The following FABP3 variants were observed in gnomAD, a reference collection of about 807,000 sequenced individuals.
FABP3 encodes the protein fatty acid-binding protein, heart.
In FABP3, 8 loss-of-function variants were observed where a neutral mutation model predicts 13.4. The ratio of observed to expected loss-of-function variants is 0.60; its 90% CI spans 0.35 to 1.07. The LOEUF (loss-of-function observed/expected upper bound fraction) is 1.07. Ranked by LOEUF, FABP3 falls within the 50% of genes least tolerant of loss-of-function variation. The pLI is 0.02. For missense variants in FABP3, 135 were observed against 164.7 expected, an observed-to-expected ratio of 0.82 and a Z score of 0.99; for synonymous variants, 64 against 60.0, an observed-to-expected ratio of 1.07 and a Z score of -0.31.
chr1:31,369,461 G>A lies in FABP3; in HGVS notation c.170C>T (p.Thr57Ile), dbSNP rs751675000. ...AAAGCTGATCTCTGTGTTCTTGAAG[G>A]TGCTGTGTGTTTTTAGGGTGAGAAT... ...GDILTLKTHSTFKNTEISFKL... is the reference protein window; with the variant it reads ...GDILTLKTHSIFKNTEISFKL... Residue 57 changes from threonine (T) to isoleucine (I), a missense_variant, in exon 2 of 4, where the codon ACC becomes ATC. By Grantham distance (89) the Thr-to-Ile change is moderately conservative (BLOSUM62 -1). Coordinates refer to ENST00000373713, the MANE Select transcript of FABP3 (RefSeq NM_004102.5). 45 of 1,614,132 alleles carry A rather than the reference G, an allele frequency of 2.8e-5. No individual in the cohort carries two copies. The highest frequency in any genetic ancestry group is 3.6e-5 in the Non-Finnish European group (43 of 1,180,038).
chr1:31,365,752 T>A lies in FABP3; in HGVS notation c.*134A>T. On this transcript the variant is annotated 3_prime_UTR_variant, in exon 4 of 4. Coordinates refer to ENST00000373713, the MANE Select transcript of FABP3 (RefSeq NM_004102.5). ...ATACACCATGGGAACTGGAACTGGATCCCGGTCAGTGGCACCTGACCCCAG... is the reference window on the plus strand; with the variant it reads ...ATACACCATGGGAACTGGAACTGGAACCCGGTCAGTGGCACCTGACCCCAG... 8 of 711,890 alleles carry A rather than the reference T, an allele frequency of 1.1e-5. No individual in the cohort carries two copies. Among genetic ancestry groups the A allele is most frequent in the Non-Finnish European group, 2.0e-5 (8 of 407,114 alleles). The allele number at this position is 711,890 out of a possible 1,614,324, so 44.1% of individuals were successfully genotyped here.
At chr1:31,362,544 A>G (rs548246544), downstream of FABP3, among the ~76,000 whole-genome samples, 23 of 151,244 alleles carry the variant, frequency 1.5e-4, no homozygotes, top group African/African-American at 5.3e-4. Flanking sequence ...TGTGGTGGGT[A>G]TAGTTTTGGG....
chr1:31,372,864 G>C, intron 1 of FABP3, 78 bp downstream of exon 1: 7 of 1,364,992 alleles, frequency 5.1e-6, no homozygotes, highest in Non-Finnish European at 7.3e-6. Flanking sequence ...GGAGGGATGC[G>C]GCAGGAGTGC....
In FABP3 at chr1:31,369,233, A is replaced by G; in HGVS notation, c.246+152T>C. The G allele has an allele frequency of 3.8e-6, 3 of 798,620 alleles. No homozygotes were observed. In the East Asian group the frequency reaches 7.4e-5, roughly 20 times the overall value. 49.5% of individuals were successfully genotyped at this position (798,620 alleles called of 1,614,324 possible). On this transcript the variant is annotated intron_variant, in intron 2 of 3. Coordinates refer to ENST00000373713, the MANE Select transcript of FABP3 (RefSeq NM_004102.5). ...ATGTATTTAGCATCAGTGGCATTCC[A>G]GCACTACACAGGCTTTATGAATCTT...
At chr1:31,364,326 C>A, downstream of FABP3, 2 of 1,416,626 alleles carry the variant, frequency 1.4e-6, no homozygotes, top group South Asian at 3.3e-5. Flanking sequence ...AGATGGCTTC[C>A]CCTCATGCAA....
At chr1:31,361,550 A>G (rs775081020), downstream of FABP3, among the ~76,000 whole-genome samples, 24 of 152,354 alleles carry the variant, frequency 1.6e-4, no homozygotes, top group Non-Finnish European at 2.6e-4. Context: ...ACTTAATTCT[A>G]TCTTATTCCA....
intron 1 of FABP3, among the ~76,000 whole-genome samples, chr1:31,370,297 G>A (rs1640184165): frequency 6.6e-6 from 1 of 152,182 alleles, no homozygotes. Context: ...GCTTGCTTAA[G>A]TGCTCAGCTA....
At chr1:31,367,368 A>G (rs1217027147) in intron 3 of FABP3, 25 bp downstream of exon 3, 2 of 1,579,924 alleles carry the variant, frequency 1.3e-6, no homozygotes, top group Non-Finnish European at 1.7e-6. Flanking sequence ...CCAATCAGAT[A>G]TAGCTCCAAA....
intron 2 of FABP3, chr1:31,368,991 A>G (rs532374028): frequency 4.7e-4 from 78 of 166,482 alleles, no homozygotes; most frequent in Middle Eastern, 2.9e-3. Flanking sequence ...CATCATTCCT[A>G]AAGCACTTCA....
downstream of FABP3, among the ~76,000 whole-genome samples, chr1:31,361,534 A>G (rs1639893854): frequency 6.6e-6 from 1 of 152,238 alleles, no homozygotes; most frequent in African/African-American, 2.4e-5. Flanking sequence ...CAGAGCTAGA[A>G]TTTGAACTTA....
downstream of FABP3, chr1:31,364,135 G>A (rs1378092173): frequency 3.1e-6 from 5 of 1,613,796 alleles, no homozygotes; most frequent in Non-Finnish European, 4.2e-6. Flanking sequence ...TCAAAAGACA[G>A]CAAGGCAGCA....
At chr1:31,367,700 G>A (rs545109924) in intron 2 of FABP3, among the ~76,000 whole-genome samples, 2 of 152,338 alleles carry the variant, frequency 1.3e-5, no homozygotes, top group African/African-American at 2.4e-5. Flanking sequence ...CTGCCTTTCT[G>A]GGGAAGAGGC....
chr1:31,371,595 G>A (rs1171987742), intron 1 of FABP3, among the ~76,000 whole-genome samples: 4 of 152,180 alleles, frequency 2.6e-5, no homozygotes, highest in Admixed American at 6.5e-5. Context: ...AGACCAGCCC[G>A]CTGACCCAAC....
chr1:31,363,747 A>G (rs1432174414), downstream of FABP3, among the ~76,000 whole-genome samples: 2 of 152,188 alleles, frequency 1.3e-5, no homozygotes, highest in Non-Finnish European at 2.9e-5. Context: ...GTGCCACTGC[A>G]CTGCACTCTA....
At position 31,369,599 on chromosome 1, in the gene FABP3, G is replaced by C. The variant is rs1278369250; in HGVS notation, c.74-42C>G. ...GGTTATGAGTATATGAGCTGGGGTA[G>C]AGAAGCAGTGTACAAGAAACTCAAT... On this transcript the variant is annotated intron_variant, in intron 1 of 3. Transcript: ENST00000373713. 3 of 1,594,688 alleles carry C rather than the reference G, an allele frequency of 1.9e-6. No individual in the cohort carries two copies. The East Asian group carries it at 6.7e-5, about 36-fold the overall frequency.
In FABP3 at chr1:31,365,628, T is replaced by C. The variant is rs553283923; in HGVS notation, c.*258A>G. On this transcript the variant is annotated 3_prime_UTR_variant, in exon 4 of 4. Transcript: ENST00000373713. ...GGATAAACCAAGACTCCCAGAGTTA[T>C]GTTACCAAAGGCAAAAAGGCAACTG... The C allele has an allele frequency of 1.3e-3, 562 of 440,362 alleles. 1 individual carries two copies. Among genetic ancestry groups the C allele is most frequent in the Non-Finnish European group, 2.1e-3 (493 of 238,686 alleles). The allele number at this position is 440,362 out of a possible 1,614,324, so 27.3% of individuals were successfully genotyped here.
chr1:31,364,479 T>G, downstream of FABP3: 2 of 410,696 alleles, frequency 4.9e-6, no homozygotes, highest in Non-Finnish European at 4.4e-6. Context: ...GAGGTCCTAT[T>G]ACCCTCTCCA....
chr1:31,360,966 C>T (rs1639865699), downstream of FABP3, among the ~76,000 whole-genome samples: 1 of 152,146 alleles, frequency 6.6e-6, no homozygotes, highest in Non-Finnish European at 1.5e-5. Context: ...CTTCTTTATC[C>T]AGGCTGGACC....
At chr1:31,370,253 C>G (rs1222332248) in intron 1 of FABP3, among the ~76,000 whole-genome samples, 4 of 152,194 alleles carry the variant, frequency 2.6e-5, no homozygotes, top group African/African-American at 9.7e-5. Flanking sequence ...GGTCACAAAT[C>G]TGAGATTGAA....
Sources: allele counts gnomAD v4.1 joint callset (sites outside exome capture counted in the v4.1 genomes callset), GRCh38; gene constraint gnomAD v4.1.1; transcripts MANE v1.5; gene names NCBI Gene and HGNC (gene_info 2026-07-23, HGNC 2026-07-21).